RANBP2: variants seen among roughly 807,000 people sequenced by gnomAD.
RANBP2 encodes RAN binding protein 2.
A neutral mutation model predicts 303.6 loss-of-function variants in RANBP2; 57 were observed. That is an observed-to-expected ratio of 0.19 (90% CI 0.15 to 0.23). The LOEUF (loss-of-function observed/expected upper bound fraction) is 0.23, where lower values mean the gene tolerates loss of function less well. RANBP2 is among the 10% of genes least tolerant of loss of function. The pLI, the probability that RANBP2 is intolerant of heterozygous loss-of-function variation, is 1.00. For missense variants in RANBP2, 3,138 were observed against 3,780.8 expected (o/e 0.83, Z 4.46); for synonymous variants, 1,167 against 1,301.5 (o/e 0.90, Z 2.23).
chr2:109,692,655 C>G, the RANBP2 span, among the ~76,000 whole-genome samples: 1 of 152,072 alleles, frequency 6.6e-6, no homozygotes, highest in Admixed American at 6.5e-5. Flanking sequence ...CGGCCCGGTG[C>G]CATTTCTCCT....
In RANBP2 at chr2:108,762,171, A is replaced by G. The variant is rs1676779259; in HGVS notation, c.2673A>G (p.Pro891=). The part of the protein sequence containing the change: ...PAYNSQYLLR[P]AANVTPTKGP... ...ATAATTCCCAGTATCTTCTCAGACC[A>G]GCAGCTAATGTTACTCCCACAAAGG... Residue 891 remains proline (P), a synonymous_variant, in exon 19 of 29, where the codon CCA becomes CCG. Coordinates refer to ENST00000283195, the MANE Select transcript of RANBP2 (RefSeq NM_006267.5). 1.9e-6 allele frequency: 3 copies of G among 1,593,104 alleles called. No homozygotes were observed. Among genetic ancestry groups the G allele is most frequent in the Middle Eastern group, 2.3e-4 (1 of 4,416 alleles).
At chr2:109,149,601 G>A in the RANBP2 span, among the ~76,000 whole-genome samples, 1 of 152,168 alleles carries the variant, frequency 6.6e-6, no homozygotes, top group African/African-American at 2.4e-5. Flanking sequence ...AGGTCCAGCA[G>A]GAGGACAGCT....
intron 22 of RANBP2, 117 bp from the exon 23 acceptor site, chr2:108,772,751 C>G: frequency 8.0e-7 from 1 of 1,249,408 alleles, no homozygotes; most frequent in South Asian, 1.4e-5. Context: ...CCTTGTTTTT[C>G]ATTAGTATGT....
intron 14 of RANBP2, 125 bp from the exon 15 acceptor site, chr2:108,753,700 C>T (rs999577660): frequency 2.5e-6 from 4 of 1,579,818 alleles, no homozygotes; most frequent in Non-Finnish European, 3.4e-6. Context: ...TTCCCAGGCT[C>T]AAGCGATTCT....
At position 108,720,187 on chromosome 2, in the gene RANBP2, C is replaced by G. The variant is rs939087112; in HGVS notation, c.72+509C>G. The G allele has an allele frequency of 2.4e-5, 24 of 982,698 alleles. 1 individual carries two copies. The East Asian group carries it at 8.0e-4, about 33-fold the overall frequency. The allele number at this position is 982,698 out of a possible 1,614,324, so 60.9% of individuals were successfully genotyped here. On this transcript the variant is annotated intron_variant, in intron 1 of 28. Coordinates refer to ENST00000283195, the MANE Select transcript of RANBP2 (RefSeq NM_006267.5). ...TCGAGTGACAAGGTAGGCATCTCAGCGCGGACATTTGCAATGGCCCGACGG... is the reference window on the plus strand; with the variant it reads ...TCGAGTGACAAGGTAGGCATCTCAGGGCGGACATTTGCAATGGCCCGACGG...
chr2:109,540,881 C>T, the RANBP2 span, among the ~76,000 whole-genome samples: 18 of 151,656 alleles, frequency 1.2e-4, no homozygotes, highest in East Asian at 2.7e-3. Context: ...TAACCTTTCT[C>T]GTCTATAAAG....
chr2:108,961,207 G>T, the RANBP2 span, among the ~76,000 whole-genome samples: 1 of 151,818 alleles, frequency 6.6e-6, no homozygotes, highest in Non-Finnish European at 1.5e-5. Context: ...AAAGAAGACT[G>T]ACCATAATTT....
At chr2:108,788,817 G>C (rs1203705324), downstream of RANBP2, 1 of 1,613,182 alleles carries the variant, frequency 6.2e-7, no homozygotes, top group African/African-American at 1.3e-5. Flanking sequence ...ATATATTGTT[G>C]TGGTAATCTT....
chr2:109,307,430 T>A, the RANBP2 span, among the ~76,000 whole-genome samples: 252 of 132,290 alleles, frequency 1.9e-3, no homozygotes, highest in African/African-American at 8.2e-3. Context: ...ACTTTTTTTT[T>A]TTATTATTAT....
the RANBP2 span, among the ~76,000 whole-genome samples, chr2:109,661,573 G>A: frequency 6.6e-6 from 1 of 152,146 alleles, no homozygotes; most frequent in Admixed American, 6.5e-5. Flanking sequence ...GGCCAGGAAT[G>A]GGAGTGTCAC....
chr2:109,172,466 A>G, the RANBP2 span, among the ~76,000 whole-genome samples: 1 of 152,196 alleles, frequency 6.6e-6, no homozygotes, highest in Non-Finnish European at 1.5e-5. Flanking sequence ...GCAAACTTTT[A>G]TCCTCTTGGT....
At chr2:109,226,141 T>A in the RANBP2 span, among the ~76,000 whole-genome samples, 31 of 152,222 alleles carry the variant, frequency 2.0e-4, no homozygotes, top group Admixed American at 2.0e-3. Flanking sequence ...GAGGAGGTTG[T>A]CCCCAAATAG....
chr2:108,753,423 T>C lies in RANBP2; in HGVS notation c.1918-3T>C, dbSNP rs765978051. The C allele has an allele frequency of 1.2e-5, 20 of 1,611,706 alleles. No individual in the cohort carries two copies. In the East Asian group the frequency reaches 4.0e-4, roughly 32 times the overall value. On this transcript the variant is annotated splice_region_variant and splice_polypyrimidine_tract_variant and intron_variant, in intron 13 of 28. Transcript: ENST00000283195. ...TTGACTAAAAACTATTCTGTGTGTTTAGGCATCAGAAATTGTTGAATATGA... is the reference window on the plus strand; with the variant it reads ...TTGACTAAAAACTATTCTGTGTGTTCAGGCATCAGAAATTGTTGAATATGA...
the RANBP2 span, among the ~76,000 whole-genome samples, chr2:109,716,172 T>C: frequency 1.3e-5 from 2 of 152,110 alleles, no homozygotes; most frequent in African/African-American, 4.8e-5. Flanking sequence ...GAATAGTCAA[T>C]TATGTATTTG....
chr2:109,534,312 C>T, the RANBP2 span, among the ~76,000 whole-genome samples: 3 of 152,298 alleles, frequency 2.0e-5, no homozygotes, highest in South Asian at 2.1e-4. Flanking sequence ...TTAGGGCGCT[C>T]GGCCTCAGTT....
chr2:109,232,441 C>T, the RANBP2 span, among the ~76,000 whole-genome samples: 13 of 152,178 alleles, frequency 8.5e-5, no homozygotes, highest in African/African-American at 3.1e-4. Flanking sequence ...CCTGGTCTGC[C>T]TATCTATCTG....
At chr2:109,728,923 T>TTAAC in the RANBP2 span, among the ~76,000 whole-genome samples, 1 of 152,096 alleles carries the variant, frequency 6.6e-6, no homozygotes. Flanking sequence ...TCCTGAGAAT[T>TTAAC]TAACATTCGG....
the RANBP2 span, among the ~76,000 whole-genome samples, chr2:109,326,817 C>T: frequency 2.0e-5 from 3 of 152,216 alleles, no homozygotes; most frequent in Admixed American, 6.5e-5. Flanking sequence ...AGGGGGACGC[C>T]TGTCTCATGG....
At chr2:109,480,881 T>G in the RANBP2 span, among the ~76,000 whole-genome samples, 4 of 152,052 alleles carry the variant, frequency 2.6e-5, no homozygotes, top group Non-Finnish European at 4.4e-5. Context: ...TGTGGATGGT[T>G]TGATTTGTGT....
Sources: allele counts gnomAD v4.1 joint callset (sites outside exome capture counted in the v4.1 genomes callset), GRCh38; gene constraint gnomAD v4.1.1; transcripts MANE v1.5; gene names NCBI Gene and HGNC (gene_info 2026-07-23, HGNC 2026-07-21).